CNTNAP2: variants seen among roughly 807,000 people sequenced by gnomAD.
The protein encoded by CNTNAP2 is contactin associated protein 2.
Under a neutral mutation model 155.2 loss-of-function variants are expected in CNTNAP2, and 98 were observed. The observed-to-expected ratio is 0.63, with a 90% CI of 0.54 to 0.75. The LOEUF (loss-of-function observed/expected upper bound fraction) is 0.75, where lower values mean the gene tolerates loss of function less well. Among genes scored for constraint, CNTNAP2 ranks in the 30% least tolerant of loss-of-function variants. The pLI, the probability that CNTNAP2 is intolerant of heterozygous loss-of-function variation, is 0.00. For synonymous variants in CNTNAP2, 651 were observed against 631.2 expected (o/e 1.03, Z -0.47); for missense variants, 1,727 against 1,688.1 (o/e 1.02, Z -0.40).
chr7:146,402,086 C>T (rs1329937257), intron 1 of CNTNAP2, among the ~76,000 whole-genome samples: 1 of 152,102 alleles, frequency 6.6e-6, no homozygotes, highest in African/African-American at 2.4e-5. Flanking sequence ...AGTTGAAGGT[C>T]TTCCATAAGT....
In CNTNAP2 at chr7:146,487,743, A is replaced by C. The variant is rs75402864; in HGVS notation, c.98-286528A>C. ...AGATACTGTACTAACACAGGTAATG[A>C]GTGAATGGTGTTCAGATCATGGGCA... On this transcript the variant is annotated intron_variant, in intron 1 of 23. Coordinates refer to ENST00000361727, the MANE Select transcript of CNTNAP2 (RefSeq NM_014141.6). Among the ~76,000 whole-genome samples the C allele has an allele frequency of 5.5e-3, 844 of 152,314 alleles. 5 individuals are homozygous for C. The Middle Eastern group carries it at 0.061, about 11-fold the overall frequency.
At chr7:146,144,192 C>T (rs1322776422) in intron 1 of CNTNAP2, among the ~76,000 whole-genome samples, 2 of 152,000 alleles carry the variant, frequency 1.3e-5, no homozygotes, top group African/African-American at 4.8e-5. Context: ...GGCTTTGTTG[C>T]CCCAGCTGGA....
At chr7:148,260,979 A>C (rs182695660) in intron 20 of CNTNAP2, among the ~76,000 whole-genome samples, 1 of 152,336 alleles carries the variant, frequency 6.6e-6, no homozygotes, top group Admixed American at 6.5e-5. Context: ...TTATTTTAAC[A>C]AGAGCTTTTT....
chr7:146,961,568 C>T (rs997175374), intron 3 of CNTNAP2, among the ~76,000 whole-genome samples: 1 of 152,132 alleles, frequency 6.6e-6, no homozygotes, highest in Non-Finnish European at 1.5e-5. Context: ...TCAGTCACTG[C>T]CCCTGTATTC....
intron 1 of CNTNAP2, among the ~76,000 whole-genome samples, chr7:146,439,877 AC>A (rs1281772684): frequency 6.6e-6 from 1 of 151,578 alleles, no homozygotes; most frequent in East Asian, 1.9e-4. Context: ...TAATCTCAGC[AC>A]TTTGGGAGGC....
intron 7 of CNTNAP2, among the ~76,000 whole-genome samples, chr7:147,129,492 C>T (rs907702425): frequency 2.6e-5 from 4 of 152,258 alleles, no homozygotes; most frequent in African/African-American, 4.8e-5. Flanking sequence ...TGCTTCCAAA[C>T]GACACTACTC....
intron 10 of CNTNAP2, among the ~76,000 whole-genome samples, chr7:147,432,364 C>G (rs1250795534): frequency 1.3e-5 from 2 of 152,102 alleles, no homozygotes; most frequent in African/African-American, 4.8e-5. Context: ...AGAATCGCAG[C>G]TTTAGAAGGA....
chr7:147,708,271 G>A (rs1285957788), intron 13 of CNTNAP2, among the ~76,000 whole-genome samples: 4 of 152,180 alleles, frequency 2.6e-5, no homozygotes, highest in African/African-American at 9.7e-5. Flanking sequence ...TGTTCATGGG[G>A]CACATGAAAA....
chr7:146,778,055 C>T (rs1802421060), intron 2 of CNTNAP2, among the ~76,000 whole-genome samples: 1 of 152,032 alleles, frequency 6.6e-6, no homozygotes, highest in Admixed American at 6.5e-5. Context: ...TCATCTGATA[C>T]AGACACTATA....
chr7:146,420,099 C>T (rs1469335540), intron 1 of CNTNAP2, among the ~76,000 whole-genome samples: 1 of 152,048 alleles, frequency 6.6e-6, no homozygotes, highest in Non-Finnish European at 1.5e-5. Context: ...TCAGAGATTC[C>T]TGTAGCCCAG....
intron 2 of CNTNAP2, among the ~76,000 whole-genome samples, chr7:146,775,070 A>C (rs1785900589): frequency 6.6e-6 from 1 of 152,208 alleles, no homozygotes; most frequent in African/African-American, 2.4e-5. Flanking sequence ...AAGAAACAAT[A>C]TTATCTCAGA....
intron 8 of CNTNAP2, among the ~76,000 whole-genome samples, chr7:147,251,541 T>C (rs1439333234): frequency 1.3e-5 from 2 of 152,122 alleles, no homozygotes; most frequent in Non-Finnish European, 2.9e-5. Flanking sequence ...AGTGAATGGG[T>C]AGCACTAAAG....
intron 9 of CNTNAP2, among the ~76,000 whole-genome samples, chr7:147,395,254 T>C (rs1303670337): frequency 2.0e-5 from 3 of 152,026 alleles, no homozygotes; most frequent in Admixed American, 2.0e-4. Flanking sequence ...TTTTGTGTCC[T>C]AATCTCTGAG....
chr7:146,651,034 A>T (rs1328856460), intron 1 of CNTNAP2, among the ~76,000 whole-genome samples: 3 of 151,234 alleles, frequency 2.0e-5, no homozygotes, highest in African/African-American at 7.3e-5. Context: ...TTTTTTTTTT[A>T]AAGAACAACT....
intron 20 of CNTNAP2, among the ~76,000 whole-genome samples, chr7:148,262,505 G>A (rs1167106602): frequency 6.6e-6 from 1 of 152,144 alleles, no homozygotes; most frequent in East Asian, 1.9e-4. Flanking sequence ...GGCTCTGAGA[G>A]GAGAATCTGT....
Position 148,135,973 on chromosome 7 carries a change from GAGGA to G in CNTNAP2, c.2555-11474_2555-11471del, listed in dbSNP as rs1186076177. Among the ~76,000 whole-genome samples the G allele has an allele frequency of 1.6e-3, 63 of 40,178 alleles. 1 individual carries two copies. The highest frequency in any genetic ancestry group is 1.7e-3 in the Non-Finnish European group (41 of 23,866). 26.4% of individuals were successfully genotyped at this position (40,178 alleles called of 152,430 possible). A position where few individuals can be genotyped will look rare whatever the true frequency, so the allele number is the denominator to read the frequency against. On this transcript the variant is annotated intron_variant, in intron 16 of 23. Transcript: ENST00000361727. ...AAACAAACCACATTGGGAAGAGAGGGAGGAAGGAAGGAAGGAAGGAAGGAAGGAA... is the reference window on the plus strand; with the variant it reads ...AAACAAACCACATTGGGAAGAGAGGGAGGAAGGAAGGAAGGAAGGAAGGAA...
At chr7:147,427,613 A>G (rs1358338807) in intron 10 of CNTNAP2, among the ~76,000 whole-genome samples, 1 of 152,204 alleles carries the variant, frequency 6.6e-6, no homozygotes, top group Non-Finnish European at 1.5e-5. Context: ...CACAACAAGG[A>G]GTACATAAAC....
chr7:146,573,359 T>C (rs1036042019), intron 1 of CNTNAP2, among the ~76,000 whole-genome samples: 2 of 152,132 alleles, frequency 1.3e-5, no homozygotes, highest in Non-Finnish European at 2.9e-5. Context: ...GCCAGGATGG[T>C]CTTGATCTCC....
At chr7:148,221,669 C>A (rs544047349) in intron 19 of CNTNAP2, among the ~76,000 whole-genome samples, 2 of 152,312 alleles carry the variant, frequency 1.3e-5, no homozygotes, top group East Asian at 3.9e-4. Flanking sequence ...TAGAAAGTCT[C>A]CACTAAACAC....
Sources: gnomAD v4.1 joint callset for allele counts (sites outside exome capture counted in the v4.1 genomes callset) on GRCh38, gnomAD v4.1.1 for gene constraint, MANE v1.5 for transcripts, NCBI Gene and HGNC (gene_info 2026-07-23, HGNC 2026-07-21) for gene names.